The following EXOC6 variants were observed in gnomAD, a reference collection of about 807,000 sequenced individuals.
The protein encoded by EXOC6 is SEC15-like 1.
EXOC6 carries 60 observed loss-of-function variants against 112.5 expected under a neutral mutation model. That is an observed-to-expected ratio of 0.53 (90% CI 0.43 to 0.66). EXOC6 has a LOEUF of 0.66. EXOC6 is among the 30% of genes least tolerant of loss of function. The probability of loss-of-function intolerance (pLI) is 0.00; values close to 1 mark genes in which losing one functional copy is unlikely to be tolerated. For missense variants in EXOC6, 855 were observed against 957.1 expected (o/e 0.89, Z 1.41); for synonymous variants, 295 against 308.0 (o/e 0.96, Z 0.44).
chr10:93,029,442 G>A (rs1271665516), intron 20 of EXOC6, among the ~76,000 whole-genome samples: 2 of 151,958 alleles, frequency 1.3e-5, no homozygotes, highest in African/African-American at 4.8e-5. Context: ...GTTCTCTTTT[G>A]TGAATAACCT....
chr10:93,047,711 G>A (rs1489316048), intron 20 of EXOC6, among the ~76,000 whole-genome samples: 1 of 152,058 alleles, frequency 6.6e-6, no homozygotes, highest in East Asian at 1.9e-4. Context: ...ATTTTGGGAG[G>A]CCGAGGCAGG....
chr10:92,939,842 A>G (rs1240910613), intron 12 of EXOC6, among the ~76,000 whole-genome samples: 3 of 152,108 alleles, frequency 2.0e-5, no homozygotes, highest in East Asian at 1.9e-4. Flanking sequence ...GTAGAGTGAG[A>G]TCATTGAATT....
intron 18 of EXOC6, among the ~76,000 whole-genome samples, chr10:92,976,610 C>T (rs1315554093): frequency 8.5e-6 from 1 of 117,794 alleles, no homozygotes; most frequent in Admixed American, 9.3e-5. Context: ...CACTATTGTC[C>T]TATGACCCTG....
At chr10:92,953,824 T>G (rs1446876235) in intron 15 of EXOC6, among the ~76,000 whole-genome samples, 1 of 152,192 alleles carries the variant, frequency 6.6e-6, no homozygotes, top group Non-Finnish European at 1.5e-5. Flanking sequence ...AAAATTAGTT[T>G]AAGGTAATTT....
At chr10:92,969,177 T>C (rs1842186780) in intron 17 of EXOC6, among the ~76,000 whole-genome samples, 1 of 152,152 alleles carries the variant, frequency 6.6e-6, no homozygotes, top group Non-Finnish European at 1.5e-5. Flanking sequence ...GCACACATGC[T>C]TGGAGCCCTG....
intron 20 of EXOC6, among the ~76,000 whole-genome samples, chr10:93,055,516 A>G (rs1332036859): frequency 6.6e-6 from 1 of 152,200 alleles, no homozygotes; most frequent in Non-Finnish European, 1.5e-5. Flanking sequence ...CATTCCGGAG[A>G]CGTTATACTA....
intron 1 of EXOC6, among the ~76,000 whole-genome samples, chr10:92,889,778 T>G (rs1849406423): frequency 6.6e-6 from 1 of 151,942 alleles, no homozygotes; most frequent in Non-Finnish European, 1.5e-5. Context: ...GAGTGGGGGT[T>G]GCGCTCTGTC....
chr10:92,841,460 C>T (rs962061742), intron 1 of EXOC6, among the ~76,000 whole-genome samples: 1 of 152,146 alleles, frequency 6.6e-6, no homozygotes, highest in African/African-American at 2.4e-5. Flanking sequence ...GATTTAATCT[C>T]TAATGAGAAT....
At chr10:92,904,180 T>A (rs981036263) in intron 5 of EXOC6, among the ~76,000 whole-genome samples, 3 of 152,118 alleles carry the variant, frequency 2.0e-5, no homozygotes, top group African/African-American at 7.2e-5. Context: ...ACTGTATGGA[T>A]GAACCATAGT....
chr10:93,037,912 C>A (rs1035262765), intron 20 of EXOC6, among the ~76,000 whole-genome samples: 1 of 150,742 alleles, frequency 6.6e-6, no homozygotes, highest in Non-Finnish European at 1.5e-5. Context: ...CGGTGGCGGG[C>A]GCCCGTAATC....
chr10:92,934,257 T>C, intron 10 of EXOC6, 53 bp from the exon 11 acceptor site: 3 of 1,547,136 alleles, frequency 1.9e-6, no homozygotes, highest in Non-Finnish European at 2.6e-6. Context: ...AAATACTTAC[T>C]TTCTATTAGG....
intron 20 of EXOC6, 102 bp downstream of exon 20, chr10:93,014,369 A>T (rs1470966812): frequency 5.7e-6 from 5 of 877,344 alleles, no homozygotes. Context: ...TTTGCCTTGA[A>T]ACAACCTATC....
intron 5 of EXOC6, among the ~76,000 whole-genome samples, chr10:92,904,587 T>G (rs1850343174): frequency 6.6e-6 from 1 of 152,126 alleles, no homozygotes; most frequent in South Asian, 2.1e-4. Context: ...ATGTCTTCTT[T>G]AGCGAGGTGT....
At position 92,974,191 on chromosome 10, in the gene EXOC6, A is replaced by C; in HGVS notation, c.1912A>C (p.Asn638His). The change falls in exon 18 of 22, where the codon AAT (asparagine) becomes CAT (histidine). Residue 638 changes from asparagine (N) to histidine (H), a missense_variant. Transcript: ENST00000260762. ...RASGYLMDLI[N>H]FLRSIFQVFT... is the part of the protein sequence containing the mutation. ...TAGTGGTTATTTAATGGACCTTATA[A>C]ATTTTTTGAGAAGCATCTTTCAAGT... The C allele has an allele frequency of 6.3e-7, 1 of 1,579,224 alleles. No individual in the cohort carries two copies.
intron 5 of EXOC6, among the ~76,000 whole-genome samples, chr10:92,904,657 T>G (rs1183751693): frequency 1.3e-5 from 2 of 152,086 alleles, no homozygotes; most frequent in African/African-American, 4.8e-5. Context: ...GAGTTTTAAG[T>G]GTGCTTTTTA....
At chr10:93,032,637 G>A (rs887464553) in intron 20 of EXOC6, among the ~76,000 whole-genome samples, 34 of 152,178 alleles carry the variant, frequency 2.2e-4, no homozygotes, top group African/African-American at 7.7e-4. Flanking sequence ...TTGAGCACCT[G>A]CTTTGGGCAC....
chr10:92,962,629 G>A (rs1458055366), intron 17 of EXOC6, among the ~76,000 whole-genome samples: 2 of 152,116 alleles, frequency 1.3e-5, no homozygotes, highest in Non-Finnish European at 2.9e-5. Context: ...CTGGACTCAA[G>A]CAATCCTCTT....
chr10:92,974,995 G>A (rs1207038355), intron 18 of EXOC6, among the ~76,000 whole-genome samples: 1 of 152,048 alleles, frequency 6.6e-6, no homozygotes, highest in African/African-American at 2.4e-5. Flanking sequence ...CACCCCGTCT[G>A]GGAAGTGAGG....
chr10:92,970,038 T>G (rs1319616625), intron 17 of EXOC6, among the ~76,000 whole-genome samples: 2 of 152,174 alleles, frequency 1.3e-5, no homozygotes, highest in Non-Finnish European at 1.5e-5. Flanking sequence ...TGTCCTCAAC[T>G]AGATTATAAA....
Sources: gnomAD v4.1 joint callset for allele counts (sites outside exome capture counted in the v4.1 genomes callset) on GRCh38, gnomAD v4.1.1 for gene constraint, MANE v1.5 for transcripts, NCBI Gene and HGNC (gene_info 2026-07-23, HGNC 2026-07-21) for gene names.